The following TBC1D22A variants were observed in gnomAD, a reference collection of about 807,000 sequenced individuals.
The protein encoded by TBC1D22A is putative GTPase activator.
In TBC1D22A, 38 loss-of-function variants were observed where a neutral mutation model predicts 60.2. The ratio of observed to expected loss-of-function variants is 0.63; its 90% confidence interval spans 0.49 to 0.83. The LOEUF is 0.83. TBC1D22A is among the 40% of genes least tolerant of loss of function. The pLI, the probability that TBC1D22A is intolerant of heterozygous loss-of-function variation, is 0.00. For missense variants in TBC1D22A, 628 were observed against 701.0 expected, an observed-to-expected ratio of 0.90 and a Z score of 1.18; for synonymous variants, 302 against 281.7, an observed-to-expected ratio of 1.07 and a Z score of -0.72.
chr22:46,892,676 T>G (rs542792108), intron 6 of TBC1D22A, among the ~76,000 whole-genome samples: 6 of 152,402 alleles, frequency 3.9e-5, no homozygotes, highest in African/African-American at 1.4e-4. Flanking sequence ...GTTTTGAACC[T>G]ATTTTTTAAT....
chr22:47,087,960 C>T lies in TBC1D22A; in HGVS notation c.1330-23548C>T, dbSNP rs938954381. Among the ~76,000 whole-genome samples, 4 of 152,114 alleles carry T rather than the reference C, an allele frequency of 2.6e-5. No homozygotes were observed. In the East Asian group the frequency reaches 7.7e-4, roughly 29 times the overall value. On this transcript the variant is annotated intron_variant, in intron 11 of 12. Coordinates refer to ENST00000337137, the MANE Select transcript of TBC1D22A (RefSeq NM_014346.5). Reference sequence around the variant, plus strand: ...TGGTGGCGGGCGCCTGTAGTTCCAGCTACTTGGGAGGCTGAGGCAGGAGAA... The same window carrying T: ...TGGTGGCGGGCGCCTGTAGTTCCAGTTACTTGGGAGGCTGAGGCAGGAGAA...
intron 12 of TBC1D22A, among the ~76,000 whole-genome samples, chr22:47,154,436 C>T (rs529035489): frequency 2.0e-5 from 3 of 152,148 alleles, no homozygotes; most frequent in Non-Finnish European, 1.5e-5. Context: ...CTGGAAATGC[C>T]CCCCCGCTTG....
At chr22:46,929,135 G>A (rs982736507) in intron 8 of TBC1D22A, among the ~76,000 whole-genome samples, 14 of 152,208 alleles carry the variant, frequency 9.2e-5, no homozygotes, top group Non-Finnish European at 1.9e-4. Flanking sequence ...AAAGAAAGTG[G>A]AAGCTCATTA....
chr22:47,024,738 G>C (rs1367053325), intron 10 of TBC1D22A, among the ~76,000 whole-genome samples: 1 of 152,064 alleles, frequency 6.6e-6, no homozygotes, highest in African/African-American at 2.4e-5. Flanking sequence ...GTGCCTGTGG[G>C]CCTAGCCACG....
intron 8 of TBC1D22A, among the ~76,000 whole-genome samples, chr22:46,916,314 T>C (rs145588236): frequency 6.6e-6 from 1 of 152,300 alleles, no homozygotes; most frequent in Non-Finnish European, 1.5e-5. Flanking sequence ...ATGCTCAAGC[T>C]GTGTGGAGGT....
chr22:47,159,759 A>C (rs1337085579), intron 12 of TBC1D22A, among the ~76,000 whole-genome samples: 1 of 150,950 alleles, frequency 6.6e-6, no homozygotes, highest in Non-Finnish European at 1.5e-5. Flanking sequence ...TACACACTAA[A>C]CACCCACACC....
intron 12 of TBC1D22A, among the ~76,000 whole-genome samples, chr22:47,167,699 T>G (rs950847206): frequency 6.6e-6 from 1 of 152,220 alleles, no homozygotes; most frequent in Admixed American, 6.5e-5. Flanking sequence ...AGGGTTTTTA[T>G]GGGCTTTGAA....
intron 11 of TBC1D22A, among the ~76,000 whole-genome samples, chr22:47,066,802 C>T (rs1249959274): frequency 6.6e-6 from 1 of 152,192 alleles, no homozygotes; most frequent in African/African-American, 2.4e-5. Context: ...CTCTGCTCTC[C>T]TCCCTTGGCC....
At chr22:46,882,847 C>T (rs1004589118) in intron 5 of TBC1D22A, among the ~76,000 whole-genome samples, 1 of 152,156 alleles carries the variant, frequency 6.6e-6, no homozygotes, top group Non-Finnish European at 1.5e-5. Context: ...CATCATGACT[C>T]TTTTTCATTG....
intron 8 of TBC1D22A, among the ~76,000 whole-genome samples, chr22:46,949,930 G>A (rs2072797452): frequency 6.6e-6 from 1 of 152,208 alleles, no homozygotes; most frequent in South Asian, 2.1e-4. Flanking sequence ...AGCAGGGGAG[G>A]GCTGTGCTCA....
intron 9 of TBC1D22A, among the ~76,000 whole-genome samples, chr22:46,982,593 G>A (rs896927571): frequency 2.0e-5 from 3 of 152,218 alleles, no homozygotes; most frequent in African/African-American, 4.8e-5. Flanking sequence ...TTCCAGATGT[G>A]CTGGTCTTAG....
chr22:46,846,701 C>T (rs1602128323), intron 4 of TBC1D22A, among the ~76,000 whole-genome samples: 1 of 152,034 alleles, frequency 6.6e-6, no homozygotes, highest in Non-Finnish European at 1.5e-5. Flanking sequence ...ACCAGCCTCT[C>T]ATCTTCACCC....
At chr22:46,917,470 C>T (rs987811911) in intron 8 of TBC1D22A, among the ~76,000 whole-genome samples, 2 of 152,028 alleles carry the variant, frequency 1.3e-5, no homozygotes, top group Non-Finnish European at 2.9e-5. Context: ...GGAGCGTGAA[C>T]GAGAAGGAAA....
intron 11 of TBC1D22A, among the ~76,000 whole-genome samples, chr22:47,096,685 A>G (rs906791443): frequency 1.6e-4 from 24 of 152,176 alleles, no homozygotes; most frequent in South Asian, 2.1e-4. Context: ...AGCCGGGTGT[A>G]GTGGCGCATG....
intron 12 of TBC1D22A, among the ~76,000 whole-genome samples, chr22:47,163,212 C>G (rs544536821): frequency 2.0e-5 from 3 of 151,974 alleles, no homozygotes; most frequent in South Asian, 4.2e-4. Flanking sequence ...CCATGGCCAT[C>G]GAAGGCTTGG....
intron 5 of TBC1D22A, among the ~76,000 whole-genome samples, chr22:46,885,742 G>C (rs1231895782): frequency 1.3e-5 from 2 of 152,068 alleles, no homozygotes; most frequent in Non-Finnish European, 2.9e-5. Flanking sequence ...GTACCCAACA[G>C]AAGGAGCTCT....
Position 46,974,406 on chromosome 22 carries a change from GC to G in TBC1D22A, c.1125+10del. ...GCTGCTGGATGGCATTCAGGTGAGC[GC>G]CCGCGCCCACGGGACACAGCCCACG... is the stretch of plus-strand genomic sequence containing the variant. On this transcript the variant is annotated splice_region_variant and intron_variant, in intron 9 of 12. Transcript: ENST00000337137. 1 of 1,604,192 alleles carries G rather than the reference GC, an allele frequency of 6.2e-7. No individual in the cohort carries two copies. Among genetic ancestry groups the G allele is most frequent in the Non-Finnish European group, 8.5e-7 (1 of 1,175,606 alleles).
Position 46,863,741 on chromosome 22 carries a change from A to T in TBC1D22A, c.638-14912A>T, listed in dbSNP as rs1202898641. 2.0e-5 allele frequency among the ~76,000 whole-genome samples: 3 copies of T among 152,144 alleles called. No homozygotes were observed. The South Asian group carries it at 6.2e-4, about 32-fold the overall frequency. ...CATTCAGGAGCCTCATTCAGTCCCC[A>T]TGTCTCTGTCGGCTTTTCCCTTAAA... On this transcript the variant is annotated intron_variant, in intron 4 of 12. Transcript: ENST00000337137.
chr22:46,976,299 C>T (rs149435797), intron 9 of TBC1D22A, among the ~76,000 whole-genome samples: 136 of 152,294 alleles, frequency 8.9e-4, no homozygotes, highest in African/African-American at 3.0e-3. Context: ...TTTCCTGGCG[C>T]GTGTGTTTAT....
Sources: allele counts gnomAD v4.1 joint callset (sites outside exome capture counted in the v4.1 genomes callset), GRCh38; gene constraint gnomAD v4.1.1; transcripts MANE v1.5; gene names NCBI Gene and HGNC (gene_info 2026-07-23, HGNC 2026-07-21).